NAALADL2: variants seen among roughly 807,000 people sequenced by gnomAD.
The protein encoded by NAALADL2 is N-acetylated alpha-linked acidic dipeptidase like 2, also known as inactive N-acetylated-alpha-linked acidic dipeptidase-like protein 2.
Under a neutral mutation model 87.2 loss-of-function variants are expected in NAALADL2, and 76 were observed. The observed-to-expected ratio is 0.87, with a 90% confidence interval of 0.72 to 1.05. The LOEUF (loss-of-function observed/expected upper bound fraction) is 1.05. Among genes scored for constraint, NAALADL2 ranks in the 50% least tolerant of loss-of-function variants. NAALADL2 has a pLI of 0.00. For missense variants in NAALADL2, 1,089 were observed against 945.8 expected (o/e 1.15, Z -1.99); for synonymous variants, 354 against 331.0 (o/e 1.07, Z -0.75).
intron 7 of NAALADL2, among the ~76,000 whole-genome samples, chr3:175,465,170 T>G (rs1723789743): frequency 6.7e-6 from 1 of 149,914 alleles, no homozygotes; most frequent in Non-Finnish European, 1.5e-5. Flanking sequence ...GAGAATGGCG[T>G]GAACCCGGGA....
intron 3 of NAALADL2, among the ~76,000 whole-genome samples, chr3:174,750,162 ATGT>A (rs1734680668): frequency 6.6e-6 from 1 of 152,310 alleles, no homozygotes; most frequent in Admixed American, 6.5e-5. Context: ...GACTTTTAAA[ATGT>A]TGTCCCACTT....
chr3:175,684,988 G>C (rs1736074142), intron 11 of NAALADL2, among the ~76,000 whole-genome samples: 1 of 152,176 alleles, frequency 6.6e-6, no homozygotes, highest in African/African-American at 2.4e-5. Context: ...GTCAGTCAGA[G>C]ATTATTTGTT....
rs551986868 is a variant in NAALADL2 at position 174,640,435 on chromosome 3, A to G, written c.-115+89798A>G. On this transcript the variant is annotated intron_variant, in intron 2 of 3. Coordinates refer to the NAALADL2 transcript ENST00000434257. ...TTAAACTGGCAAGCTCCCCAGATCA[A>G]TTTTATAGAAGATTGATCAGTGTGT... is the stretch of plus-strand genomic sequence containing the variant. Among the ~76,000 whole-genome samples the G allele has an allele frequency of 2.0e-5, 3 of 150,428 alleles. No homozygotes were observed. In the East Asian group the frequency reaches 5.8e-4, roughly 29 times the overall value.
At chr3:175,277,612 T>C (rs1308682037) in intron 4 of NAALADL2, among the ~76,000 whole-genome samples, 2 of 152,180 alleles carry the variant, frequency 1.3e-5, no homozygotes, top group East Asian at 1.9e-4. Context: ...ATAAACCTTA[T>C]TGTGTCAACC....
intron 9 of NAALADL2, among the ~76,000 whole-genome samples, chr3:175,487,238 G>C (rs1356730590): frequency 6.6e-6 from 1 of 152,012 alleles, no homozygotes; most frequent in African/African-American, 2.4e-5. Context: ...AATCCCCACT[G>C]CACCCAAGCA....
chr3:174,718,510 A>G lies in NAALADL2; in HGVS notation c.-114-19131A>G, dbSNP rs182528605. On this transcript the variant is annotated intron_variant, in intron 2 of 3. Coordinates refer to the NAALADL2 transcript ENST00000434257. ...GAGGTGAAATCATGGTAATGGAGCA[A>G]TTAATAGCAGAACTAGGATGAGAAA... Among the ~76,000 whole-genome samples the G allele has an allele frequency of 2.6e-5, 4 of 152,290 alleles. No homozygotes were observed. In the East Asian group the frequency reaches 5.8e-4, roughly 22 times the overall value.
chr3:174,515,243 G>A (rs1039136787), intron 1 of NAALADL2, among the ~76,000 whole-genome samples: 3 of 152,054 alleles, frequency 2.0e-5, no homozygotes, highest in Non-Finnish European at 4.4e-5. Context: ...CTCATACTTT[G>A]TTATTCTTTT....
At chr3:175,062,766 T>G (rs910971368) in intron 1 of NAALADL2, among the ~76,000 whole-genome samples, 2 of 152,152 alleles carry the variant, frequency 1.3e-5, no homozygotes, top group African/African-American at 4.8e-5. Flanking sequence ...TTTCGGTTTG[T>G]GTAAACCCAA....
chr3:175,131,842 CCGGACGGGGCGG>C, intron 2 of NAALADL2, among the ~76,000 whole-genome samples: 2 of 117,078 alleles, frequency 1.7e-5, no homozygotes, highest in East Asian at 3.0e-4. Flanking sequence ...CACCTCCCTC[CCGGACGGGGCGG>C]CTGGCCGGGC....
rs760739795 is a variant in NAALADL2 at position 174,633,251 on chromosome 3, C to T, written c.-115+82614C>T. On this transcript the variant is annotated intron_variant, in intron 2 of 3. Coordinates refer to the NAALADL2 transcript ENST00000434257. ...GTTTCAGATACATTTATGTTTTTTC[C>T]GAAACTTAAAAATATAATTATTCCT... Among the ~76,000 whole-genome samples, 95 of 151,542 alleles carry T rather than the reference C, an allele frequency of 6.3e-4. 1 individual carries two copies. Among genetic ancestry groups the T allele is most frequent in the Non-Finnish European group, 1.1e-3 (75 of 67,884 alleles).
intron 2 of NAALADL2, among the ~76,000 whole-genome samples, chr3:174,561,946 C>T (rs1713670036): frequency 6.6e-6 from 1 of 152,078 alleles, no homozygotes; most frequent in South Asian, 2.1e-4. Context: ...TTTGTCAATT[C>T]TGGAAAATTC....
chr3:175,037,827 C>G (rs548791572), intron 1 of NAALADL2, among the ~76,000 whole-genome samples: 1 of 152,106 alleles, frequency 6.6e-6, no homozygotes, highest in Non-Finnish European at 1.5e-5. Flanking sequence ...GAGCAGGCCA[C>G]GGTATCCCCA....
At chr3:175,733,819 T>A (rs1185750572) in intron 11 of NAALADL2, among the ~76,000 whole-genome samples, 5 of 152,180 alleles carry the variant, frequency 3.3e-5, no homozygotes, top group African/African-American at 1.2e-4. Flanking sequence ...TTGACCAAAA[T>A]ACAGGGGCTA....
At chr3:175,778,369 A>ATAG (rs1368401351) in intron 13 of NAALADL2, among the ~76,000 whole-genome samples, 1 of 152,222 alleles carries the variant, frequency 6.6e-6, no homozygotes, top group Non-Finnish European at 1.5e-5. Context: ...GTTTATTTGT[A>ATAG]TAGACTCTTA....
intron 2 of NAALADL2, among the ~76,000 whole-genome samples, chr3:175,146,448 G>A: frequency 6.6e-6 from 1 of 152,078 alleles, no homozygotes; most frequent in East Asian, 1.9e-4. Flanking sequence ...CTGCCCTCTG[G>A]TGGGACTACT....
chr3:175,281,232 C>T (rs1408500383), intron 4 of NAALADL2, among the ~76,000 whole-genome samples: 4 of 151,576 alleles, frequency 2.6e-5, no homozygotes, highest in Non-Finnish European at 4.4e-5. Context: ...ATAATCCTGG[C>T]TTTATAAACC....
At chr3:175,369,543 G>T (rs1350655247) in intron 5 of NAALADL2, 1 of 152,142 alleles carries the variant, frequency 6.6e-6, no homozygotes, top group East Asian at 1.9e-4. Flanking sequence ...ATATATACAT[G>T]CTACGTATGT....
At chr3:175,739,709 A>G (rs951777629) in intron 12 of NAALADL2, among the ~76,000 whole-genome samples, 1 of 152,204 alleles carries the variant, frequency 6.6e-6, no homozygotes, top group African/African-American at 2.4e-5. Context: ...CAAAACAAAC[A>G]AACAAAACAA....
At chr3:175,346,615 C>T (rs1763184928) in intron 5 of NAALADL2, among the ~76,000 whole-genome samples, 1 of 152,004 alleles carries the variant, frequency 6.6e-6, no homozygotes, top group Admixed American at 6.6e-5. Context: ...AAAAAATGGT[C>T]AAATTGGTTC....
Sources: gnomAD v4.1 joint callset for allele counts (sites outside exome capture counted in the v4.1 genomes callset) on GRCh38, gnomAD v4.1.1 for gene constraint, MANE v1.5 for transcripts, NCBI Gene and HGNC (gene_info 2026-07-23, HGNC 2026-07-21) for gene names.